Variants in AR observed in about 807,000 individuals in gnomAD.
AR encodes the protein dihydrotestosterone receptor.
Under a neutral mutation model 53.9 loss-of-function variants are expected in AR, and 8 were observed. That is an observed-to-expected ratio of 0.15 (90% CI 0.09 to 0.27). AR has a LOEUF of 0.27. Ranked by LOEUF, AR falls within the 10% of genes least tolerant of loss-of-function variation. The pLI, the probability that AR is intolerant of heterozygous loss-of-function variation, is 1.00. For synonymous variants in AR, 359 were observed against 316.4 expected (o/e 1.13, Z -1.43); for missense variants, 639 against 742.5 (o/e 0.86, Z 1.62).
rs1015521990 is a variant in AR at position 67,725,720 on chromosome X, C to T, written c.*1879C>T. On this transcript the variant is annotated 3_prime_UTR_variant, in exon 8 of 8. Transcript: ENST00000374690. ...TCACTCAGATTCCCCACCTTTGTTG[C>T]TGCCTCTTAGTCAGAGGGAGGCCAA... 4.0e-5 allele frequency: 7 copies of T among 174,125 alleles called. No individual in the cohort carries two copies. The highest frequency in any genetic ancestry group is 5.5e-5 in the Non-Finnish European group (5 of 91,515). 14.3% of individuals were successfully genotyped at this position (174,125 alleles called of 1,213,427 possible). A position where few individuals can be genotyped will look rare whatever the true frequency, so the allele number is the denominator to read the frequency against.
intron 1 of AR, among the ~76,000 whole-genome samples, chrX:67,549,779 G>T (rs1392611324): frequency 8.9e-6 from 1 of 111,980 alleles, no homozygotes; most frequent in Non-Finnish European, 1.9e-5. Flanking sequence ...AATTTGTTCT[G>T]GTCTCCATAG....
chrX:67,722,313 G>A (rs943106703), intron 6 of AR: 1 of 239,747 alleles, frequency 4.2e-6, no homozygotes, highest in African/African-American at 2.8e-5. Flanking sequence ...TCTTTGCAGG[G>A]CAGTAGAGCA....
chrX:67,663,762 C>T (rs1927089854), intron 2 of AR, among the ~76,000 whole-genome samples: 1 of 112,318 alleles, frequency 8.9e-6, no homozygotes, highest in Admixed American at 9.4e-5. Context: ...TCAGGTACAC[C>T]AATCAGACAT....
At chrX:67,671,413 T>C in intron 2 of AR, among the ~76,000 whole-genome samples, 1 of 112,851 alleles carries the variant, frequency 8.9e-6, no homozygotes, top group Non-Finnish European at 1.9e-5. Flanking sequence ...GAAGTGTCTG[T>C]TCATATTCTT....
chrX:67,690,153 C>A (rs1216811625), intron 3 of AR, among the ~76,000 whole-genome samples: 2 of 112,040 alleles, frequency 1.8e-5, no homozygotes, highest in Non-Finnish European at 3.8e-5. Flanking sequence ...AACACAGAGA[C>A]CTAGACCATG....
At chrX:67,648,963 G>A (rs1212809517) in intron 2 of AR, among the ~76,000 whole-genome samples, 3 of 111,434 alleles carry the variant, frequency 2.7e-5, no homozygotes, top group African/African-American at 9.8e-5. Context: ...CCGTGGTGGT[G>A]TGCTGCAACC....
At chrX:67,626,359 CT>C (rs2069914280) in intron 1 of AR, among the ~76,000 whole-genome samples, 1 of 105,749 alleles carries the variant, frequency 9.5e-6, no homozygotes, top group Admixed American at 1.0e-4. Flanking sequence ...TAAAGTTTGT[CT>C]TTCTGTGCCA....
intron 1 of AR, among the ~76,000 whole-genome samples, chrX:67,642,274 A>C (rs1435178763): frequency 8.9e-6 from 1 of 112,106 alleles, no homozygotes; most frequent in Non-Finnish European, 1.9e-5. Context: ...AAGACATAGG[A>C]ATGACAAAAG....
intron 2 of AR, among the ~76,000 whole-genome samples, chrX:67,668,019 T>C (rs1836204295): frequency 8.9e-6 from 1 of 111,765 alleles, no homozygotes; most frequent in African/African-American, 3.2e-5. Context: ...ACAAGAATAA[T>C]TTGACTTCTT....
chrX:67,637,627 G>A (rs777619850), intron 1 of AR, among the ~76,000 whole-genome samples: 406 of 108,943 alleles, frequency 3.7e-3, no homozygotes, highest in Non-Finnish European at 6.4e-3. Context: ...GAATAGTGCC[G>A]CAATAAACAT....
At chrX:67,571,014 T>A (rs996838489) in intron 1 of AR, among the ~76,000 whole-genome samples, 1 of 110,517 alleles carries the variant, frequency 9.0e-6, no homozygotes, top group African/African-American at 3.3e-5. Context: ...CAGGACCAGA[T>A]CTTTCCTTGT....
chrX:67,675,644 TGTG>T (rs1248446471), intron 2 of AR, among the ~76,000 whole-genome samples: 1 of 111,664 alleles, frequency 9.0e-6, no homozygotes, highest in Non-Finnish European at 1.9e-5. Flanking sequence ...CTGAACACCA[TGTG>T]GTTGCTGCTG....
chrX:67,716,641 G>A (rs765657712), intron 4 of AR, among the ~76,000 whole-genome samples: 7 of 110,847 alleles, frequency 6.3e-5, no homozygotes, highest in Non-Finnish European at 1.1e-4. Flanking sequence ...AGAATGGAGA[G>A]GAAATGCCAG....
chrX:67,650,466 A>T (rs1028318669), intron 2 of AR, among the ~76,000 whole-genome samples: 2 of 111,858 alleles, frequency 1.8e-5, no homozygotes, highest in Non-Finnish European at 3.8e-5. Context: ...TAAGAGTTAG[A>T]CTCACTTTCT....
chrX:67,690,087 G>T (rs1295359828), intron 3 of AR, among the ~76,000 whole-genome samples: 2 of 111,656 alleles, frequency 1.8e-5, no homozygotes, highest in African/African-American at 6.5e-5. Flanking sequence ...GACCATGGAA[G>T]GTAGTAGGCC....
At chrX:67,696,132 CT>C in intron 3 of AR, 1 of 684,734 alleles carries the variant, frequency 1.5e-6, no homozygotes, top group African/African-American at 2.5e-5. Context: ...AACATTGGAT[CT>C]TTTTTCTTTT....
At chrX:67,658,889 TTGTC>T (rs1251055168) in intron 2 of AR, among the ~76,000 whole-genome samples, 2 of 111,678 alleles carry the variant, frequency 1.8e-5, no homozygotes, top group African/African-American at 6.5e-5. Context: ...AGAGGCAGCT[TTGTC>T]TGCTGTGTGA....
At chrX:67,715,082 A>G (rs1183196271) in intron 4 of AR, among the ~76,000 whole-genome samples, 2 of 111,389 alleles carry the variant, frequency 1.8e-5, no homozygotes, top group Admixed American at 1.9e-4. Context: ...GTACAATTTA[A>G]TTCTCATCCT....
Position 67,545,743 on chromosome X carries a change from G to A in AR, c.597G>A (p.Gln199=), listed in dbSNP as rs746464635. The A allele has an allele frequency of 2.1e-5, 26 of 1,210,185 alleles. No homozygotes were observed. The African/African-American group carries it at 3.5e-4, about 16-fold the overall frequency. ...TGCAACTCCTTCAGCAACAGCAGCAGGAAGCAGTATCCGAAGGCAGCAGCA... is the reference window on the plus strand; with the variant it reads ...TGCAACTCCTTCAGCAACAGCAGCAAGAAGCAGTATCCGAAGGCAGCAGCA... The part of the protein sequence containing the change: ...STMQLLQQQQ[Q]EAVSEGSSSG... Residue 199 remains glutamine, a synonymous_variant, in exon 1 of 8, where the codon CAG becomes CAA. Coordinates refer to ENST00000374690, the MANE Select transcript of AR (RefSeq NM_000044.6).
Sources: gnomAD v4.1 joint callset for allele counts (sites outside exome capture counted in the v4.1 genomes callset) on GRCh38, gnomAD v4.1.1 for gene constraint, MANE v1.5 for transcripts, NCBI Gene and HGNC (gene_info 2026-07-23, HGNC 2026-07-21) for gene names.